The following BTAF1 variants were observed in gnomAD, a reference collection of about 807,000 sequenced individuals.
BTAF1 encodes TATA-binding protein-associated factor 172.
BTAF1 carries 38 observed loss-of-function variants against 227.1 expected under a neutral mutation model. The ratio of observed to expected loss-of-function variants is 0.17; its 90% CI spans 0.13 to 0.22. BTAF1 has a LOEUF of 0.22. BTAF1 is among the 10% of genes least tolerant of loss of function. The probability of loss-of-function intolerance (pLI) is 1.00; values close to 1 mark genes in which losing one functional copy is unlikely to be tolerated. For missense variants in BTAF1, 1,598 were observed against 2,204.0 expected (o/e 0.73, Z 5.51); for synonymous variants, 742 against 751.9 (o/e 0.99, Z 0.21).
At chr10:91,965,238 T>TA (rs1217644973) in intron 13 of BTAF1, among the ~76,000 whole-genome samples, 3 of 152,188 alleles carry the variant, frequency 2.0e-5, no homozygotes, top group Admixed American at 6.5e-5. Flanking sequence ...CTAAATGAGT[T>TA]AATCTATGTG....
chr10:91,930,696 G>A (rs1005640908), intron 1 of BTAF1, among the ~76,000 whole-genome samples: 1 of 152,110 alleles, frequency 6.6e-6, no homozygotes, highest in African/African-American at 2.4e-5. Context: ...TAAGTTCCAC[G>A]TATTAAGTAC....
intron 4 of BTAF1, among the ~76,000 whole-genome samples, chr10:91,947,974 T>C (rs1419181242): frequency 6.6e-6 from 1 of 152,176 alleles, no homozygotes; most frequent in Non-Finnish European, 1.5e-5. Context: ...CTTTTTTCTC[T>C]TTGTTCTTTA....
chr10:92,013,559 A>G lies in BTAF1; in HGVS notation c.4312-108A>G, dbSNP rs1283592947. On this transcript the variant is annotated intron_variant, in intron 30 of 37. Coordinates refer to ENST00000265990, the MANE Select transcript of BTAF1 (RefSeq NM_003972.3). Reference sequence around the variant, plus strand: ...ACACCATATGTCTAAAAATATAGTGATAATCTCTCATCTATATGATTATAA... The same window carrying G: ...ACACCATATGTCTAAAAATATAGTGGTAATCTCTCATCTATATGATTATAA... 3 of 1,379,840 alleles carry G rather than the reference A, an allele frequency of 2.2e-6. No homozygotes were observed. In the Admixed American group the frequency reaches 5.7e-5, roughly 26 times the overall value. 85.5% of individuals were successfully genotyped at this position (1,379,840 alleles called of 1,614,324 possible).
intron 1 of BTAF1, among the ~76,000 whole-genome samples, chr10:91,934,703 C>T (rs1212082805): frequency 6.6e-6 from 1 of 152,192 alleles, no homozygotes; most frequent in Non-Finnish European, 1.5e-5. Context: ...TCCCACTCTT[C>T]TCTTAAGTGT....
chr10:92,010,191 G>A (rs537401107), intron 28 of BTAF1, among the ~76,000 whole-genome samples: 9 of 152,224 alleles, frequency 5.9e-5, no homozygotes, highest in Non-Finnish European at 1.2e-4. Flanking sequence ...GGAGTCTAAG[G>A]CATGGGGTCT....
In BTAF1 at chr10:92,008,128, C is replaced by T. The variant is rs781558902; in HGVS notation, c.3666C>T (p.Gly1222=). The T allele has an allele frequency of 3.8e-6, 6 of 1,569,410 alleles. No individual in the cohort carries two copies. In the East Asian group the frequency reaches 1.2e-4, roughly 31 times the overall value. ...CTTTAAAAAAATCATTTTAGGCAGG[C>T]ATTCCAGACCCTCCAAACATGTCAG... The part of the protein sequence containing the change: ...TLIRLMPLEA[G]IPDPPNMSAE... The change falls in exon 26 of 38, where the codon GGC becomes GGT. Residue 1222 remains glycine, a synonymous_variant. Coordinates refer to ENST00000265990, the MANE Select transcript of BTAF1 (RefSeq NM_003972.3).
chr10:91,942,703 G>A, intron 4 of BTAF1, 135 bp downstream of exon 4: 1 of 1,016,436 alleles, frequency 9.8e-7, no homozygotes, highest in Non-Finnish European at 1.4e-6. Flanking sequence ...GCAGGTGGCG[G>A]GGGATGCTAT....
intron 15 of BTAF1, among the ~76,000 whole-genome samples, 190 bp downstream of exon 15, chr10:91,980,748 C>T (rs551641488): frequency 7.9e-5 from 12 of 152,246 alleles, no homozygotes; most frequent in African/African-American, 2.9e-4. Flanking sequence ...ATTGGCCATG[C>T]TTCTTCCTCT....
chr10:92,005,166 G>A (rs541522284), intron 25 of BTAF1, among the ~76,000 whole-genome samples: 1 of 152,224 alleles, frequency 6.6e-6, no homozygotes, highest in Non-Finnish European at 1.5e-5. Flanking sequence ...CAGGTAGCGT[G>A]ATCCCTCCAG....
chr10:91,978,857 G>T (rs1847888528), intron 14 of BTAF1, among the ~76,000 whole-genome samples: 1 of 125,782 alleles, frequency 8.0e-6, no homozygotes, highest in Admixed American at 9.6e-5. Context: ...TTAGGTTCAT[G>T]GGTACATGTA....
chr10:92,000,115 G>GA (rs1043258586), intron 25 of BTAF1, among the ~76,000 whole-genome samples: 10 of 151,854 alleles, frequency 6.6e-5, no homozygotes, highest in African/African-American at 2.2e-4. Flanking sequence ...AAAAAAGTGT[G>GA]AAAAAAAATT....
rs777961935 is a variant in BTAF1 at position 91,989,345 on chromosome 10, A to G, written c.2619A>G (p.Lys873=). 11 of 1,614,202 alleles carry G rather than the reference A, an allele frequency of 6.8e-6. No individual in the cohort carries two copies. The Middle Eastern group carries it at 6.6e-4, about 97-fold the overall frequency. The change falls in exon 20 of 38, where the codon AAA becomes AAG. Residue 873 remains lysine, a synonymous_variant. Transcript: ENST00000265990. ...TGAGCTTGCAGCAGCTTCCGGAGAA[A>G]TTAAATCCTATCATAAAACCATTAA... is the stretch of plus-strand genomic sequence containing the variant. ...AVVSLQQLPE[K]LNPIIKPLME...
intron 3 of BTAF1, among the ~76,000 whole-genome samples, chr10:91,940,676 A>ATTTAT (rs749115078): frequency 4.0e-5 from 6 of 151,704 alleles, no homozygotes; most frequent in Admixed American, 1.3e-4. Context: ...GTTTTATTTT[A>ATTTAT]TTTATTTTAT....
intron 25 of BTAF1, among the ~76,000 whole-genome samples, chr10:92,006,335 A>C (rs956972924): frequency 1.3e-5 from 2 of 152,204 alleles, no homozygotes; most frequent in Non-Finnish European, 2.9e-5. Context: ...TCAAAAAGAG[A>C]AAGTTTGTTA....
At chr10:92,017,107 C>T (rs530825474) in intron 33 of BTAF1, among the ~76,000 whole-genome samples, 1 of 152,170 alleles carries the variant, frequency 6.6e-6, no homozygotes, top group Non-Finnish European at 1.5e-5. Flanking sequence ...CAGACTCCTT[C>T]CCTTGTAGAG....
intron 14 of BTAF1, among the ~76,000 whole-genome samples, chr10:91,978,814 G>GTTTTTTTTTTTTTT (rs145477284): frequency 1.1e-5 from 1 of 89,866 alleles, no homozygotes; most frequent in Non-Finnish European, 2.0e-5. Flanking sequence ...TTTATGGCTT[G>GTTTTTTTTTTTTTT]TTTTTTTTTT....
rs1846382620 is a variant in BTAF1 at position 91,959,888 on chromosome 10, T to C, written c.1086+8T>C. 1 of 1,604,312 alleles carries C rather than the reference T, an allele frequency of 6.2e-7. No individual in the cohort carries two copies. ...GACTTTGTTTCTGATGAAGTAAGTATCATTTAAGGGAGGCTTTGCCCAATC... is the reference window on the plus strand; with the variant it reads ...GACTTTGTTTCTGATGAAGTAAGTACCATTTAAGGGAGGCTTTGCCCAATC... On this transcript the variant is annotated splice_region_variant and intron_variant, in intron 10 of 37. Coordinates refer to ENST00000265990, the MANE Select transcript of BTAF1 (RefSeq NM_003972.3).
At chr10:92,010,119 C>T (rs967398594) in intron 28 of BTAF1, among the ~76,000 whole-genome samples, 8 of 151,918 alleles carry the variant, frequency 5.3e-5, no homozygotes, top group African/African-American at 1.7e-4. Context: ...AAAAATTGTG[C>T]ATTATGTATT....
In BTAF1 at chr10:91,982,182, A is replaced by T. The variant is rs774641190; in HGVS notation, c.2005A>T (p.Thr669Ser). 1.9e-6 allele frequency: 3 copies of T among 1,613,986 alleles called. No homozygotes were observed. The highest frequency in any genetic ancestry group is 2.5e-6 in the Non-Finnish European group (3 of 1,179,926). The change falls in exon 17 of 38, where the codon ACC becomes TCC. Residue 669 changes from threonine to serine, a missense_variant. Around this residue, in one of 10 missense-constraint regions of BTAF1, gnomAD observed 318 missense variants for 435.0 expected, o/e 0.73. Transcript: ENST00000265990. ...CGACACCATCATGGAAGACCCAGCC[A>T]CCAGGGATTTTGTAGTTATGCGGGC... ...GADTIMEDPA[T>S]RDFVVMRARM...
Sources: gnomAD v4.1 joint callset for allele counts (sites outside exome capture counted in the v4.1 genomes callset) on GRCh38, gnomAD v4.1.1 for gene constraint, gnomAD v4.1.1 regional missense constraint, MANE v1.5 for transcripts, NCBI Gene and HGNC (gene_info 2026-07-23, HGNC 2026-07-21) for gene names.